Variants in MEGF11 observed in about 807,000 individuals in gnomAD.
The protein encoded by MEGF11 is multiple EGF like domains 11.
In MEGF11, 126 loss-of-function variants were observed where a neutral mutation model predicts 146.6. That is an observed-to-expected ratio of 0.86 (90% CI 0.74 to 1.00). The LOEUF is 1.00. Among genes scored for constraint, MEGF11 ranks in the 50% least tolerant of loss-of-function variants. The pLI is 0.00. For synonymous variants in MEGF11, 532 were observed against 583.4 expected, an observed-to-expected ratio of 0.91 and a Z score of 1.27; for missense variants, 1,509 against 1,521.2, an observed-to-expected ratio of 0.99 and a Z score of 0.13.
At chr15:65,955,814 A>ACACACACACAC (rs1290763810) in intron 10 of MEGF11, among the ~76,000 whole-genome samples, 9 of 94,992 alleles carry the variant, frequency 9.5e-5, no homozygotes, top group South Asian at 4.2e-4. Flanking sequence ...ACACACACAC[A>ACACACACACAC]ATACTTTAAA....
chr15:66,094,634 A>C (rs1397827497), intron 4 of MEGF11, 140 bp from the exon 5 acceptor site: 13 of 657,228 alleles, frequency 2.0e-5, no homozygotes, highest in South Asian at 1.1e-4. Context: ...TGGGGGGGAA[A>C]ATCAAGCTAC....
chr15:65,931,075 T>G (rs757077385), intron 10 of MEGF11, 132 bp from the exon 11 acceptor site: 6 of 1,137,152 alleles, frequency 5.3e-6, no homozygotes, highest in East Asian at 3.0e-5. Flanking sequence ...ATATGTTACC[T>G]TACATGGCAA....
intron 1 of MEGF11, among the ~76,000 whole-genome samples, chr15:66,238,988 AAC>A (rs2092154632): frequency 6.6e-6 from 1 of 152,248 alleles, no homozygotes; most frequent in African/African-American, 2.4e-5. Flanking sequence ...CAACAGCAAG[AAC>A]AGTCTGCCAC....
Position 65,942,963 on chromosome 15 carries a change from A to AAAC in MEGF11, c.1288-12023_1288-12021dup, listed in dbSNP as rs1335305255. ...AAAACAAAACAAAACAAAAACAAAAAAACAACTTGGCTTTTTTTTTTTTTT... is the reference window on the plus strand; with the variant it reads ...AAAACAAAACAAAACAAAAACAAAAAAACAACAACTTGGCTTTTTTTTTTTTTT... On this transcript the variant is annotated intron_variant, in intron 10 of 25. Transcript: ENST00000395614. 1.5e-4 allele frequency among the ~76,000 whole-genome samples: 23 copies of AAAC among 150,536 alleles called. No individual in the cohort carries two copies. In the East Asian group the frequency reaches 2.5e-3, roughly 17 times the overall value.
chr15:65,965,588 C>CTTTTT, intron 8 of MEGF11, among the ~76,000 whole-genome samples: 1 of 14,532 alleles, frequency 6.9e-5, no homozygotes, highest in Admixed American at 1.1e-3. Flanking sequence ...TTCTTTCTTT[C>CTTTTT]TTTCTTTCTT....
chr15:66,086,449 T>A (rs1026746947), intron 5 of MEGF11, among the ~76,000 whole-genome samples: 9 of 152,214 alleles, frequency 5.9e-5, no homozygotes, highest in African/African-American at 2.2e-4. Flanking sequence ...CCTATCAGAT[T>A]AATGGCAGAT....
In MEGF11 at chr15:66,043,310, G is replaced by A. The variant is rs149138091; in HGVS notation, c.394+51092C>T. On this transcript the variant is annotated intron_variant, in intron 5 of 25. Transcript: ENST00000395614. ...GCCACAGGGCTGACCAGCTCTGTGGGTCCTCTTGGGCTGAAATCAGATCAA... is the reference window on the plus strand; with the variant it reads ...GCCACAGGGCTGACCAGCTCTGTGGATCCTCTTGGGCTGAAATCAGATCAA... Among the ~76,000 whole-genome samples the A allele has an allele frequency of 3.3e-5, 5 of 152,324 alleles. No homozygotes were observed. The East Asian group carries it at 5.8e-4, about 18-fold the overall frequency.
chr15:66,096,509 G>C (rs192926785), intron 4 of MEGF11, among the ~76,000 whole-genome samples: 1 of 148,420 alleles, frequency 6.7e-6, no homozygotes, highest in Non-Finnish European at 1.5e-5. Flanking sequence ...AGAGCCCAAG[G>C]CTGTGGGGAC....
chr15:66,044,850 C>CAAAAAAAAA (rs140901440), intron 5 of MEGF11, among the ~76,000 whole-genome samples: 3 of 90,700 alleles, frequency 3.3e-5, no homozygotes, highest in African/African-American at 1.5e-4. Flanking sequence ...GACCTTATCT[C>CAAAAAAAAA]AAAAAAAAAA....
intron 1 of MEGF11, among the ~76,000 whole-genome samples, chr15:66,171,670 C>G (rs760041298): frequency 5.3e-5 from 8 of 151,934 alleles, no homozygotes; most frequent in African/African-American, 9.7e-5. Flanking sequence ...TCTGCTCCCC[C>G]AAAGCCGATC....
In MEGF11 at chr15:65,898,095, C is replaced by T. The variant is rs781480976; in HGVS notation, c.3263-1G>A. Reference sequence around the variant, plus strand: ...TCTTGGACCACACTGACTGTGGGCTCTAAGAAATATAGTGAAAAATGAGTT... The same window carrying T: ...TCTTGGACCACACTGACTGTGGGCTTTAAGAAATATAGTGAAAAATGAGTT... On this transcript the variant is annotated splice_acceptor_variant, in intron 25 of 25. Transcript: ENST00000395614. LOFTEE classifies it high-confidence loss of function. 5 of 1,611,444 alleles carry T rather than the reference C, an allele frequency of 3.1e-6. No homozygotes were observed. The highest frequency in any genetic ancestry group is 4.5e-5 in the East Asian group (2 of 44,854).
intron 1 of MEGF11, among the ~76,000 whole-genome samples, chr15:66,217,519 A>G (rs2091616483): frequency 1.3e-5 from 2 of 152,228 alleles, no homozygotes; most frequent in African/African-American, 2.4e-5. Context: ...TATCCCCACT[A>G]AAGTGTGGGA....
chr15:66,043,449 TA>T (rs2084070899), intron 5 of MEGF11, among the ~76,000 whole-genome samples: 1 of 152,256 alleles, frequency 6.6e-6, no homozygotes, highest in South Asian at 2.1e-4. Context: ...GAAGCCACGA[TA>T]ATACCACACT....
intron 5 of MEGF11, among the ~76,000 whole-genome samples, chr15:66,042,811 G>A (rs2140304161): frequency 6.6e-6 from 1 of 152,258 alleles, no homozygotes; most frequent in African/African-American, 2.4e-5. Flanking sequence ...CACGGCCTAG[G>A]ACTGCAGGGC....
intron 5 of MEGF11, among the ~76,000 whole-genome samples, chr15:66,075,363 T>C (rs1239595042): frequency 2.6e-5 from 4 of 152,312 alleles, no homozygotes; most frequent in African/African-American, 7.2e-5. Flanking sequence ...AAAGTTCCAA[T>C]GTCCAGCAGA....
intron 1 of MEGF11, among the ~76,000 whole-genome samples, chr15:66,237,130 T>C (rs1345040235): frequency 6.6e-6 from 1 of 152,184 alleles, no homozygotes; most frequent in African/African-American, 2.4e-5. Flanking sequence ...ACACAGTGCC[T>C]CATCCAGGGA....
chr15:66,235,631 C>T (rs901439824), intron 1 of MEGF11, among the ~76,000 whole-genome samples: 1 of 152,150 alleles, frequency 6.6e-6, no homozygotes, highest in Non-Finnish European at 1.5e-5. Flanking sequence ...CTCTGAGCAA[C>T]AGCACTACAC....
intron 5 of MEGF11, among the ~76,000 whole-genome samples, chr15:66,082,609 G>A (rs1250302059): frequency 7.8e-6 from 1 of 128,212 alleles, no homozygotes; most frequent in Non-Finnish European, 1.6e-5. Flanking sequence ...GGCAGAGGTT[G>A]CAGTGAGCCA....
chr15:65,965,159 G>C, intron 8 of MEGF11, 39 bp from the exon 9 acceptor site: 1 of 1,498,300 alleles, frequency 6.7e-7, no homozygotes, highest in Non-Finnish European at 9.1e-7. Flanking sequence ...TGTGGGCCAG[G>C]ATCCCTCACC....
Sources: allele counts gnomAD v4.1 joint callset (sites outside exome capture counted in the v4.1 genomes callset), GRCh38; gene constraint gnomAD v4.1.1; transcripts MANE v1.5; gene names NCBI Gene and HGNC (gene_info 2026-07-23, HGNC 2026-07-21).